The following RALGAPB variants were observed in gnomAD, a reference collection of about 807,000 sequenced individuals.
RALGAPB encodes ral GTPase-activating protein subunit beta.
In RALGAPB, 25 loss-of-function variants were observed where a neutral mutation model predicts 161.1. The ratio of observed to expected loss-of-function variants is 0.16; its 90% CI spans 0.11 to 0.22. The LOEUF (loss-of-function observed/expected upper bound fraction) is 0.22. RALGAPB is among the 10% of genes least tolerant of loss of function. The probability of loss-of-function intolerance (pLI) is 1.00; values close to 1 mark genes in which losing one functional copy is unlikely to be tolerated. For missense variants in RALGAPB, 1,391 were observed against 1,815.2 expected, an observed-to-expected ratio of 0.77 and a Z score of 4.25; for synonymous variants, 629 against 626.1, an observed-to-expected ratio of 1.00 and a Z score of -0.07.
chr20:38,516,398 A>G (rs1249057039), intron 7 of RALGAPB, 28 bp downstream of exon 7: 4 of 1,590,576 alleles, frequency 2.5e-6, no homozygotes, highest in Non-Finnish European at 3.4e-6. Flanking sequence ...TGCTAGATGT[A>G]TGAAGAGCTT....
At chr20:38,545,625 T>C (rs1376304269) in intron 18 of RALGAPB, among the ~76,000 whole-genome samples, 6 of 152,138 alleles carry the variant, frequency 3.9e-5, no homozygotes, top group Non-Finnish European at 8.8e-5. Context: ...GCAACATTGC[T>C]CAACAGATTA....
chr20:38,514,369 G>C (rs1283802843), intron 6 of RALGAPB, among the ~76,000 whole-genome samples: 2 of 152,170 alleles, frequency 1.3e-5, no homozygotes, highest in Non-Finnish European at 2.9e-5. Context: ...CTGTGATACT[G>C]TTTGACTTCA....
intron 29 of RALGAPB, 48 bp from the exon 30 acceptor site, chr20:38,574,726 G>A (rs759651080): frequency 3.2e-6 from 5 of 1,539,370 alleles, no homozygotes; most frequent in Admixed American, 1.7e-5. Flanking sequence ...GTTCACCTAC[G>A]TAAGTGACTA....
intron 28 of RALGAPB, 72 bp from the exon 29 acceptor site, chr20:38,574,078 G>A: frequency 6.9e-7 from 1 of 1,452,534 alleles, no homozygotes; most frequent in South Asian, 1.4e-5. Context: ...TATATGTGGG[G>A]GACTTCAACT....
intron 18 of RALGAPB, among the ~76,000 whole-genome samples, chr20:38,545,288 G>T (rs932717397): frequency 1.3e-5 from 2 of 152,006 alleles, no homozygotes; most frequent in Non-Finnish European, 1.5e-5. Context: ...GAATAATAAT[G>T]GTATATGGGA....
chr20:38,512,838 C>G (rs2086002292), intron 6 of RALGAPB, among the ~76,000 whole-genome samples: 1 of 151,932 alleles, frequency 6.6e-6, no homozygotes, highest in Admixed American at 6.6e-5. Context: ...CTGCTCACTG[C>G]AAGTTCCGCC....
At chr20:38,494,800 T>G (rs2122909135) in intron 3 of RALGAPB, among the ~76,000 whole-genome samples, 1 of 152,362 alleles carries the variant, frequency 6.6e-6, no homozygotes, top group South Asian at 2.1e-4. Context: ...ATGAGTAGTA[T>G]TGTCACTGTG....
chr20:38,494,277 T>G (rs760904291), intron 3 of RALGAPB, among the ~76,000 whole-genome samples: 3 of 152,232 alleles, frequency 2.0e-5, no homozygotes, highest in Non-Finnish European at 4.4e-5. Flanking sequence ...TACTTAGTAC[T>G]TATCTTAGGT....
chr20:38,505,052 A>G (rs1045048194), intron 5 of RALGAPB, among the ~76,000 whole-genome samples: 2 of 152,260 alleles, frequency 1.3e-5, no homozygotes, highest in Non-Finnish European at 2.9e-5. Context: ...TACGACTACC[A>G]TTCAACCCAG....
chr20:38,531,325 C>G (rs979185039), intron 14 of RALGAPB, 94 bp downstream of exon 14: 80 of 1,103,436 alleles, frequency 7.3e-5, no homozygotes, highest in Non-Finnish European at 1.0e-4. Context: ...ATTTTAAAGG[C>G]CTTTGGTTTG....
rs144635430 is a variant in RALGAPB, at chr20:38,525,949, A to G, written c.1957A>G (p.Ile653Val). The change falls in exon 13 of 30, where the codon ATA becomes GTA. Residue 653 changes from isoleucine to valine, a missense_variant. By Grantham distance (29) the Ile-to-Val change is conservative. This residue lies in a region of RALGAPB where 946 missense variants were observed against 1,257.2 expected (regional missense o/e 0.75). Transcript: ENST00000262879. Reference sequence around the variant, plus strand: ...TGACAGCTCTTCTTATGATAAACCAATAACTTTTCTGTCCCTGAAGTTGAG... The same window carrying G: ...TGACAGCTCTTCTTATGATAAACCAGTAACTTTTCTGTCCCTGAAGTTGAG... ...NDDSSSYDKPITFLSLKLRLV... is the reference protein window; with the variant it reads ...NDDSSSYDKPVTFLSLKLRLV... 50 of 1,613,850 alleles carry G rather than the reference A, an allele frequency of 3.1e-5. No individual in the cohort carries two copies. The African/African-American group carries it at 4.7e-4, about 15-fold the overall frequency.
chr20:38,496,351 A>G (rs1442274225), intron 3 of RALGAPB, among the ~76,000 whole-genome samples: 3 of 152,244 alleles, frequency 2.0e-5, no homozygotes, highest in African/African-American at 7.2e-5. Context: ...CATTTTCTGG[A>G]ATTTCTTGAG....
At chr20:38,563,552 C>A (rs1196009902) in intron 24 of RALGAPB, among the ~76,000 whole-genome samples, 1 of 152,180 alleles carries the variant, frequency 6.6e-6, no homozygotes, top group Non-Finnish European at 1.5e-5. Flanking sequence ...AAACTTAAGA[C>A]CTTTGCCCCA....
intron 18 of RALGAPB, among the ~76,000 whole-genome samples, chr20:38,542,272 G>GT (rs2145395694): frequency 6.6e-6 from 1 of 152,304 alleles, no homozygotes; most frequent in Admixed American, 6.5e-5. Context: ...AAATTCGTGT[G>GT]TAAGTCAGCC....
chr20:38,486,593 C>T (rs1171949707), intron 1 of RALGAPB, among the ~76,000 whole-genome samples: 1 of 152,080 alleles, frequency 6.6e-6, no homozygotes, highest in Non-Finnish European at 1.5e-5. Context: ...CCTGATGATT[C>T]TTAAGTGTAC....
chr20:38,553,943 G>A lies in RALGAPB; in HGVS notation c.3239G>A (p.Ser1080Asn), dbSNP rs1371766765. The change falls in exon 22 of 30, where the codon AGT becomes AAT. Residue 1080 changes from serine to asparagine, a missense_variant. Transcript: ENST00000262879. ...IAYEIHLEQQ[S>N]EEELQKRSFP... is the part of the protein sequence containing the mutation. Reference sequence around the variant, plus strand: ...TATGAAATACACCTTGAGCAACAGAGTGAGGAGGAATTGCAGAAGAGAAGT... The same window carrying A: ...TATGAAATACACCTTGAGCAACAGAATGAGGAGGAATTGCAGAAGAGAAGT... The A allele has an allele frequency of 1.9e-6, 3 of 1,613,714 alleles. No individual in the cohort carries two copies. The highest frequency in any genetic ancestry group is 2.5e-6 in the Non-Finnish European group (3 of 1,179,710).
chr20:38,501,204 C>T (rs1035276652), intron 5 of RALGAPB, among the ~76,000 whole-genome samples: 6 of 152,196 alleles, frequency 3.9e-5, no homozygotes, highest in Non-Finnish European at 8.8e-5. Context: ...GAGGAGAAGT[C>T]AGTGCCTGGC....
At chr20:38,484,788 C>T (rs1313349253) in intron 1 of RALGAPB, among the ~76,000 whole-genome samples, 2 of 152,096 alleles carry the variant, frequency 1.3e-5, no homozygotes, top group East Asian at 3.9e-4. Flanking sequence ...CTCTGTCTTC[C>T]AGGTTCAGGT....
chr20:38,530,022 C>T lies in RALGAPB; in HGVS notation c.2051-1145C>T, dbSNP rs116690342. On this transcript the variant is annotated intron_variant, in intron 13 of 29. Transcript: ENST00000262879. The stretch of plus-strand genomic sequence containing the variant: ...CTTGTAATGTCATGACTTTTCTCTG[C>T]TTCTTGGGAGCACTTCCAGCATCAC... Among the ~76,000 whole-genome samples the T allele has an allele frequency of 4.6e-3, 693 of 152,278 alleles. 7 individuals carry two copies. The highest frequency in any genetic ancestry group is 0.016 in the African/African-American group (668 of 41,552).
Sources: allele counts gnomAD v4.1 joint callset (sites outside exome capture counted in the v4.1 genomes callset), GRCh38; gene constraint gnomAD v4.1.1; regional missense constraint gnomAD v4.1.1; transcripts MANE v1.5; gene names NCBI Gene and HGNC (gene_info 2026-07-23, HGNC 2026-07-21).